EPHA7: variants seen among roughly 807,000 people sequenced by gnomAD.
EPHA7 encodes ephrin type-A receptor 7.
EPHA7 carries 25 observed loss-of-function variants against 112.6 expected under a neutral mutation model. The ratio of observed to expected loss-of-function variants is 0.22; its 90% CI spans 0.16 to 0.31. The LOEUF (loss-of-function observed/expected upper bound fraction) is 0.31, where lower values mean the gene tolerates loss of function less well. Among genes scored for constraint, EPHA7 ranks in the 10% least tolerant of loss-of-function variants. The pLI is 1.00. For missense variants in EPHA7, 962 were observed against 1,212.6 expected (o/e 0.79, Z 3.07); for synonymous variants, 437 against 406.5 (o/e 1.07, Z -0.90).
chr6:93,357,155 C>G (rs928070580), intron 4 of EPHA7, 103 bp from the exon 5 acceptor site: 1 of 830,386 alleles, frequency 1.2e-6, no homozygotes, highest in Non-Finnish European at 1.8e-6. Flanking sequence ...GCTAGTGGCT[C>G]AATTACCAAA....
chr6:93,261,924 T>G (rs1315811571), intron 9 of EPHA7, among the ~76,000 whole-genome samples: 3 of 151,504 alleles, frequency 2.0e-5, no homozygotes, highest in African/African-American at 7.3e-5. Context: ...AAGCCATGTT[T>G]CAACTGACCT....
chr6:93,350,555 T>C (rs756508127), intron 5 of EPHA7, among the ~76,000 whole-genome samples: 6 of 152,020 alleles, frequency 3.9e-5, no homozygotes, highest in Non-Finnish European at 8.8e-5. Context: ...GAGTGTCATA[T>C]AGATCATTCA....
In EPHA7 at chr6:93,402,690, C is replaced by T. The variant is rs192070610; in HGVS notation, c.832+7811G>A. Among the ~76,000 whole-genome samples the T allele has an allele frequency of 9.5e-4, 145 of 152,008 alleles. 1 individual carries two copies. Among genetic ancestry groups the T allele is most frequent in the African/African-American group, 3.4e-3 (141 of 41,504 alleles). ...TACAGAGACAATAGGGTAATATTAGCTTAGGGATAATTATCATGTTTTGTT... is the reference window on the plus strand; with the variant it reads ...TACAGAGACAATAGGGTAATATTAGTTTAGGGATAATTATCATGTTTTGTT... On this transcript the variant is annotated intron_variant, in intron 3 of 16. Coordinates refer to ENST00000369303, the MANE Select transcript of EPHA7 (RefSeq NM_004440.4).
At chr6:93,417,780 T>C (rs888638042) in intron 1 of EPHA7, among the ~76,000 whole-genome samples, 2 of 151,998 alleles carry the variant, frequency 1.3e-5, no homozygotes, top group Non-Finnish European at 2.9e-5. Flanking sequence ...TGTCCGTCCT[T>C]CTGCAAACGC....
At chr6:93,407,823 G>A (rs1262571890) in intron 3 of EPHA7, among the ~76,000 whole-genome samples, 1 of 151,880 alleles carries the variant, frequency 6.6e-6, no homozygotes, top group Non-Finnish European at 1.5e-5. Flanking sequence ...TTTGATGAAT[G>A]TAAGTAATTT....
chr6:93,400,702 T>A (rs1324335041), intron 3 of EPHA7, among the ~76,000 whole-genome samples: 5 of 151,938 alleles, frequency 3.3e-5, no homozygotes, highest in African/African-American at 1.2e-4. Flanking sequence ...TACACCTGAA[T>A]AACTTTTCCA....
At chr6:93,347,655 C>G (rs1048917510) in intron 5 of EPHA7, among the ~76,000 whole-genome samples, 7 of 151,822 alleles carry the variant, frequency 4.6e-5, no homozygotes, top group African/African-American at 7.3e-5. Context: ...TCTCACAGTT[C>G]TGAGGGCTAG....
At chr6:93,318,677 C>A (rs1213365996) in intron 5 of EPHA7, among the ~76,000 whole-genome samples, 1 of 151,736 alleles carries the variant, frequency 6.6e-6, no homozygotes, top group Non-Finnish European at 1.5e-5. Flanking sequence ...ACCATTTTGG[C>A]AATGATACCA....
intron 6 of EPHA7, among the ~76,000 whole-genome samples, chr6:93,271,142 A>G (rs1771197989): frequency 6.6e-6 from 1 of 151,796 alleles, no homozygotes; most frequent in South Asian, 2.1e-4. Flanking sequence ...TCTAAAACAC[A>G]TTTGTTGGGA....
At chr6:93,342,306 G>A (rs1181510386) in intron 5 of EPHA7, among the ~76,000 whole-genome samples, 1 of 151,260 alleles carries the variant, frequency 6.6e-6, no homozygotes, top group Non-Finnish European at 1.5e-5. Flanking sequence ...AGACAAAAAA[G>A]TAGATTGTAA....
chr6:93,404,154 C>A (rs1217930832), intron 3 of EPHA7, among the ~76,000 whole-genome samples: 1 of 151,738 alleles, frequency 6.6e-6, no homozygotes, highest in African/African-American at 2.4e-5. Context: ...TAATTAGAAG[C>A]CTGAAGCTTT....
chr6:93,243,807 T>C (rs1170096558), intron 16 of EPHA7, among the ~76,000 whole-genome samples: 3 of 152,152 alleles, frequency 2.0e-5, no homozygotes, highest in African/African-American at 4.8e-5. Flanking sequence ...TAAGAAATTA[T>C]TAAAGTCTTA....
At position 93,359,868 on chromosome 6, in the gene EPHA7, GAGAGAGAGAT is replaced by G. The variant is rs1284388973; in HGVS notation, c.833-1467_833-1458del. The stretch of plus-strand genomic sequence containing the variant: ...TCAATAGATGATAGAGAGAGAGAGA[GAGAGAGAGAT>G]AGATAGATAGATAGATAGATAGATA... On this transcript the variant is annotated intron_variant, in intron 3 of 16. Coordinates refer to ENST00000369303, the MANE Select transcript of EPHA7 (RefSeq NM_004440.4). Among the ~76,000 whole-genome samples the G allele has an allele frequency of 9.9e-4, 120 of 121,412 alleles. 1 individual carries two copies. The highest frequency in any genetic ancestry group is 3.3e-3 in the African/African-American group (110 of 33,086). The allele number at this position is 121,412 out of a possible 152,430, so 79.7% of individuals were successfully genotyped here. A position where few individuals can be genotyped will look rare whatever the true frequency, so the allele number is the denominator to read the frequency against.
intron 3 of EPHA7, among the ~76,000 whole-genome samples, chr6:93,364,531 G>A (rs1474881388): frequency 5.2e-5 from 5 of 96,858 alleles, no homozygotes; most frequent in African/African-American, 9.8e-5. Flanking sequence ...GCGAAACTCC[G>A]TCTCAAAAAA....
chr6:93,321,688 T>A (rs1035520130), intron 5 of EPHA7, among the ~76,000 whole-genome samples: 1 of 151,870 alleles, frequency 6.6e-6, no homozygotes, highest in Non-Finnish European at 1.5e-5. Context: ...AGGGAAGTGA[T>A]TACTCCTTAT....
At chr6:93,356,623 G>A (rs1775959871) in intron 5 of EPHA7, 94 bp downstream of exon 5, 5 of 1,161,462 alleles carry the variant, frequency 4.3e-6, no homozygotes, top group African/African-American at 1.5e-5. Context: ...GAAGAATCAA[G>A]CTCTGTGCAG....
intron 5 of EPHA7, among the ~76,000 whole-genome samples, chr6:93,323,724 T>C (rs1000394010): frequency 4.6e-5 from 7 of 151,460 alleles, no homozygotes; most frequent in Non-Finnish European, 8.9e-5. Context: ...CATACTGGCT[T>C]TCATACAGTG....
At chr6:93,416,765 CG>C (rs1031256202) in intron 1 of EPHA7, among the ~76,000 whole-genome samples, 1 of 152,116 alleles carries the variant, frequency 6.6e-6, no homozygotes, top group African/African-American at 2.4e-5. Context: ...CTCCGCGCCC[CG>C]GAGTCCTGTG....
At chr6:93,378,919 T>A (rs2127968546) in intron 3 of EPHA7, among the ~76,000 whole-genome samples, 1 of 152,282 alleles carries the variant, frequency 6.6e-6, no homozygotes, top group Non-Finnish European at 1.5e-5. Flanking sequence ...TACAATCTGG[T>A]ACTTCATTAC....
Sources: gnomAD v4.1 joint callset for allele counts (sites outside exome capture counted in the v4.1 genomes callset) on GRCh38, gnomAD v4.1.1 for gene constraint, MANE v1.5 for transcripts, NCBI Gene and HGNC (gene_info 2026-07-23, HGNC 2026-07-21) for gene names.